Variants in CTNNA3 observed in about 807,000 individuals in gnomAD.
CTNNA3 encodes catenin alpha 3, also known as catenin alpha-3.
CTNNA3 carries 76 observed loss-of-function variants against 95.7 expected under a neutral mutation model. The observed-to-expected ratio is 0.79, with a 90% CI of 0.66 to 0.96. The LOEUF is 0.96. Among genes scored for constraint, CTNNA3 ranks in the 40% least tolerant of loss-of-function variants. The probability of loss-of-function intolerance (pLI) is 0.00; values close to 1 mark genes in which losing one functional copy is unlikely to be tolerated. For missense variants in CTNNA3, 1,191 were observed against 1,089.8 expected (o/e 1.09, Z -1.31); for synonymous variants, 431 against 374.4 (o/e 1.15, Z -1.74).
intron 13 of CTNNA3, among the ~76,000 whole-genome samples, chr10:66,184,722 C>T (rs370759612): frequency 5.3e-5 from 8 of 152,260 alleles, no homozygotes; most frequent in African/African-American, 1.9e-4. Flanking sequence ...CAATGTTGTG[C>T]TTATCAGTAC....
chr10:66,252,724 C>A (rs1283558968), intron 13 of CTNNA3, among the ~76,000 whole-genome samples: 1 of 152,122 alleles, frequency 6.6e-6, no homozygotes, highest in Non-Finnish European at 1.5e-5. Flanking sequence ...AGTGGAATGA[C>A]AAAATTACTG....
chr10:66,282,078 A>G (rs566117928), intron 12 of CTNNA3, among the ~76,000 whole-genome samples: 3 of 152,016 alleles, frequency 2.0e-5, no homozygotes, highest in Admixed American at 2.0e-4. Flanking sequence ...CATTTTGAAG[A>G]GTGGATATAT....
At chr10:66,903,713 A>C (rs1331625368) in intron 7 of CTNNA3, among the ~76,000 whole-genome samples, 4 of 152,220 alleles carry the variant, frequency 2.6e-5, no homozygotes, top group Non-Finnish European at 4.4e-5. Context: ...CAAAAATCAC[A>C]AGCATTCCCA....
intron 12 of CTNNA3, among the ~76,000 whole-genome samples, chr10:66,378,362 A>G (rs1490669614): frequency 6.6e-6 from 1 of 151,964 alleles, no homozygotes; most frequent in African/African-American, 2.4e-5. Context: ...CAGATGCACC[A>G]TCACCCTAGT....
chr10:66,220,620 G>T (rs867339435), intron 13 of CTNNA3, among the ~76,000 whole-genome samples: 3 of 152,178 alleles, frequency 2.0e-5, no homozygotes, highest in African/African-American at 7.2e-5. Context: ...GAATCAGGCC[G>T]CACAAACGAA....
chr10:66,727,206 T>G (rs1266150906), intron 9 of CTNNA3, among the ~76,000 whole-genome samples: 3 of 152,068 alleles, frequency 2.0e-5, no homozygotes, highest in African/African-American at 7.2e-5. Context: ...GAATTAAAAT[T>G]AGATTACTTT....
chr10:67,529,417 T>C (rs981268124), intron 4 of CTNNA3, among the ~76,000 whole-genome samples: 4 of 141,430 alleles, frequency 2.8e-5, no homozygotes, highest in African/African-American at 7.9e-5. Context: ...ACCCCATAAA[T>C]AAGTACAACT....
chr10:66,972,126 G>A (rs1014526515), intron 7 of CTNNA3, among the ~76,000 whole-genome samples: 1 of 152,028 alleles, frequency 6.6e-6, no homozygotes, highest in East Asian at 1.9e-4. Context: ...TACTCCTTAT[G>A]ATAGAATATC....
chr10:66,328,933 T>TATATATATATACAC (rs59003281), intron 12 of CTNNA3, among the ~76,000 whole-genome samples: 1,487 of 115,280 alleles, frequency 0.013, 22 homozygotes, highest in Non-Finnish European at 0.02. Flanking sequence ...TATATATATA[T>TATATATATATACAC]ACACACACAC....
intron 9 of CTNNA3, among the ~76,000 whole-genome samples, chr10:66,716,876 G>A (rs920714689): frequency 1.5e-4 from 23 of 152,146 alleles, no homozygotes; most frequent in African/African-American, 5.5e-4. Flanking sequence ...TTGGTGCCTA[G>A]CTATCTGGTC....
chr10:66,166,237 C>A (rs560362418), intron 13 of CTNNA3, among the ~76,000 whole-genome samples: 4 of 151,942 alleles, frequency 2.6e-5, no homozygotes, highest in Non-Finnish European at 5.9e-5. Context: ...GGCCGGATCA[C>A]CTGAGATCAG....
chr10:66,195,211 T>C (rs2086888913), intron 13 of CTNNA3, among the ~76,000 whole-genome samples: 1 of 152,060 alleles, frequency 6.6e-6, no homozygotes, highest in South Asian at 2.1e-4. Context: ...GTATCTTTTT[T>C]GTTTAAAAAA....
At chr10:67,208,033 A>G (rs60311854) in intron 6 of CTNNA3, among the ~76,000 whole-genome samples, 7,607 of 152,258 alleles carry the variant, frequency 0.05, 243 homozygotes, top group South Asian at 0.11. Context: ...AAACATAATT[A>G]GTATAATTAA....
At chr10:67,150,098 C>T (rs1379310128) in intron 7 of CTNNA3, among the ~76,000 whole-genome samples, 1 of 152,092 alleles carries the variant, frequency 6.6e-6, no homozygotes, top group Non-Finnish European at 1.5e-5. Context: ...GTCAATTATG[C>T]ATATGAATAA....
intron 13 of CTNNA3, among the ~76,000 whole-genome samples, chr10:66,240,230 C>T (rs2090044262): frequency 6.6e-6 from 1 of 151,872 alleles, no homozygotes; most frequent in Non-Finnish European, 1.5e-5. Context: ...AAAGTAAAGC[C>T]CTATGGAAAT....
At chr10:66,918,119 G>A (rs1374537968) in intron 7 of CTNNA3, among the ~76,000 whole-genome samples, 1 of 152,152 alleles carries the variant, frequency 6.6e-6, no homozygotes, top group Non-Finnish European at 1.5e-5. Flanking sequence ...AATTTTGATT[G>A]CTATCCTATT....
intron 13 of CTNNA3, among the ~76,000 whole-genome samples, chr10:66,150,244 T>A (rs943966169): frequency 6.6e-6 from 1 of 152,080 alleles, no homozygotes; most frequent in African/African-American, 2.4e-5. Flanking sequence ...AAACAAGAGT[T>A]TTTCTGCACA....
At chr10:66,121,387 T>C (rs2082565082) in intron 13 of CTNNA3, among the ~76,000 whole-genome samples, 1 of 152,200 alleles carries the variant, frequency 6.6e-6, no homozygotes, top group African/African-American at 2.4e-5. Context: ...TAGCTATGTA[T>C]TCCTTCAAAA....
chr10:66,242,448 A>G (rs1301414117), intron 13 of CTNNA3, among the ~76,000 whole-genome samples: 1 of 152,192 alleles, frequency 6.6e-6, no homozygotes, highest in Non-Finnish European at 1.5e-5. Context: ...ATATTCAGCA[A>G]AGGACTGCTA....
Sources: allele counts gnomAD v4.1 joint callset (sites outside exome capture counted in the v4.1 genomes callset), GRCh38; gene constraint gnomAD v4.1.1; transcripts MANE v1.5; gene names NCBI Gene and HGNC (gene_info 2026-07-23, HGNC 2026-07-21).